PCDH9: variants seen among roughly 807,000 people sequenced by gnomAD.
The protein encoded by PCDH9 is protocadherin-9.
A neutral mutation model predicts 70.6 loss-of-function variants in PCDH9; 24 were observed. The observed-to-expected ratio is 0.34, with a 90% confidence interval of 0.25 to 0.48. The LOEUF (loss-of-function observed/expected upper bound fraction) is 0.48, where lower values mean the gene tolerates loss of function less well. PCDH9 is among the 20% of genes least tolerant of loss of function. PCDH9 has a pLI of 0.99. For missense variants in PCDH9, 1,281 were observed against 1,503.6 expected (o/e 0.85, Z 2.45); for synonymous variants, 562 against 558.5 (o/e 1.01, Z -0.09).
chr13:66,692,279 C>T (rs1427052793), intron 3 of PCDH9, among the ~76,000 whole-genome samples: 1 of 151,938 alleles, frequency 6.6e-6, no homozygotes, highest in Non-Finnish European at 1.5e-5. Context: ...TTTCCATGAT[C>T]ACAATATATA....
intron 3 of PCDH9, among the ~76,000 whole-genome samples, chr13:66,766,163 G>A (rs1461640504): frequency 1.3e-5 from 2 of 151,920 alleles, no homozygotes; most frequent in African/African-American, 4.8e-5. Context: ...ATATACATGA[G>A]TGAAGAAAGC....
chr13:66,483,530 G>C (rs558981380), intron 4 of PCDH9, among the ~76,000 whole-genome samples: 1 of 152,198 alleles, frequency 6.6e-6, no homozygotes, highest in African/African-American at 2.4e-5. Context: ...GTGTCTACTT[G>C]TTTGAGTGTA....
intron 3 of PCDH9, among the ~76,000 whole-genome samples, chr13:66,669,756 T>C (rs542235844): frequency 1.3e-5 from 2 of 152,342 alleles, no homozygotes; most frequent in South Asian, 2.1e-4. Context: ...ATCAGGCTTA[T>C]TGTGTAAACA....
At chr13:66,812,364 G>C (rs1291193139) in intron 3 of PCDH9, among the ~76,000 whole-genome samples, 1 of 152,182 alleles carries the variant, frequency 6.6e-6, no homozygotes, top group East Asian at 1.9e-4. Flanking sequence ...AAAAAATCCT[G>C]GAAGGATTAG....
rs556955879 is a variant in PCDH9 at position 66,399,585 on chromosome 13, C to G, written c.3341-94557G>C. On this transcript the variant is annotated intron_variant, in intron 4 of 4. Transcript: ENST00000377865. ...GTAGTAAGATGTGTACCTAAGCCTA[C>G]AGGTCATTTGCTTATTTTATTCTAA... Among the ~76,000 whole-genome samples, 71 of 152,196 alleles carry G rather than the reference C, an allele frequency of 4.7e-4. 1 individual carries two copies. The highest frequency in any genetic ancestry group is 1.7e-3 in the African/African-American group (69 of 41,534).
At chr13:67,155,669 A>G (rs1454522318) in intron 2 of PCDH9, among the ~76,000 whole-genome samples, 2 of 152,120 alleles carry the variant, frequency 1.3e-5, no homozygotes, top group East Asian at 3.9e-4. Flanking sequence ...GTCAGAAGCT[A>G]GATACCCTAA....
intron 2 of PCDH9, among the ~76,000 whole-genome samples, chr13:67,076,377 G>A (rs950775597): frequency 2.6e-5 from 4 of 152,094 alleles, no homozygotes; most frequent in African/African-American, 7.2e-5. Context: ...ATAAACATGC[G>A]TAATTAATTG....
At chr13:66,374,305 G>T (rs1956710887) in intron 4 of PCDH9, among the ~76,000 whole-genome samples, 1 of 151,950 alleles carries the variant, frequency 6.6e-6, no homozygotes, top group African/African-American at 2.4e-5. Flanking sequence ...GCATTAGAGA[G>T]GAAGGAATGG....
intron 3 of PCDH9, among the ~76,000 whole-genome samples, chr13:66,783,284 C>T (rs1489504784): frequency 6.6e-6 from 1 of 152,052 alleles, no homozygotes; most frequent in Non-Finnish European, 1.5e-5. Context: ...AATTCACATT[C>T]TATAGAGAGG....
intron 4 of PCDH9, among the ~76,000 whole-genome samples, chr13:66,461,638 C>T (rs1471106133): frequency 1.3e-5 from 2 of 150,968 alleles, no homozygotes; most frequent in African/African-American, 4.9e-5. Context: ...ATACACAAAA[C>T]GGGAAGCTTA....
intron 2 of PCDH9, among the ~76,000 whole-genome samples, chr13:66,942,306 G>C (rs967288788): frequency 6.6e-6 from 1 of 151,588 alleles, no homozygotes; most frequent in African/African-American, 2.4e-5. Flanking sequence ...AAAAGGAAAT[G>C]ATATAGATCA....
intron 4 of PCDH9, among the ~76,000 whole-genome samples, chr13:66,361,986 T>G (rs1956478969): frequency 6.6e-6 from 1 of 152,162 alleles, no homozygotes; most frequent in Non-Finnish European, 1.5e-5. Flanking sequence ...ATTTTTAAAT[T>G]GAGAAAATTT....
intron 2 of PCDH9, among the ~76,000 whole-genome samples, chr13:67,157,806 T>G (rs4884718): frequency 0.19 from 28,575 of 152,178 alleles, 3,299 homozygotes; most frequent in East Asian, 0.29. Context: ...AGCACGCAGA[T>G]AGATTTTTGG....
At chr13:66,821,430 A>G (rs530768944) in intron 3 of PCDH9, among the ~76,000 whole-genome samples, 2 of 152,298 alleles carry the variant, frequency 1.3e-5, no homozygotes, top group Admixed American at 6.5e-5. Flanking sequence ...ACCATTTTAT[A>G]TCCCTCTGAG....
chr13:66,935,965 G>T (rs972084214), intron 2 of PCDH9, among the ~76,000 whole-genome samples: 1 of 151,924 alleles, frequency 6.6e-6, no homozygotes, highest in Admixed American at 6.6e-5. Flanking sequence ...AGTGCCTGTA[G>T]TCCCAGCTAC....
chr13:66,874,652 G>T (rs956712647), intron 3 of PCDH9, among the ~76,000 whole-genome samples: 9 of 151,944 alleles, frequency 5.9e-5, no homozygotes, highest in East Asian at 3.9e-4. Flanking sequence ...ATGAGGATAC[G>T]CAGGGAAACA....
At chr13:66,981,702 T>G (rs1185661170) in intron 2 of PCDH9, among the ~76,000 whole-genome samples, 1 of 152,140 alleles carries the variant, frequency 6.6e-6, no homozygotes, top group Non-Finnish European at 1.5e-5. Flanking sequence ...GGATGCAACC[T>G]ATGTTTATAC....
At chr13:66,990,291 A>AG (rs1489585050) in intron 2 of PCDH9, among the ~76,000 whole-genome samples, 1 of 151,804 alleles carries the variant, frequency 6.6e-6, no homozygotes, top group Non-Finnish European at 1.5e-5. Context: ...TCCAAGCATT[A>AG]GCTATGCCTG....
chr13:66,498,425 C>G (rs1309348654), intron 4 of PCDH9, among the ~76,000 whole-genome samples: 2 of 151,712 alleles, frequency 1.3e-5, no homozygotes, highest in Non-Finnish European at 2.9e-5. Flanking sequence ...GTCTAATGCC[C>G]TATTTCCCAA....
Sources: allele counts gnomAD v4.1 joint callset (sites outside exome capture counted in the v4.1 genomes callset), GRCh38; gene constraint gnomAD v4.1.1; transcripts MANE v1.5; gene names NCBI Gene and HGNC (gene_info 2026-07-23, HGNC 2026-07-21).